OPCML: variants seen among roughly 807,000 people sequenced by gnomAD.
OPCML encodes the protein opioid binding protein/cell adhesion molecule like, also known as opioid-binding protein/cell adhesion molecule.
Under a neutral mutation model 37.8 loss-of-function variants are expected in OPCML, and 13 were observed. That is an observed-to-expected ratio of 0.34 (90% confidence interval 0.22 to 0.55). OPCML has a LOEUF of 0.55. OPCML is among the 20% of genes least tolerant of loss of function. The pLI is 0.91. For synonymous variants in OPCML, 176 were observed against 168.8 expected (o/e 1.04, Z -0.33); for missense variants, 341 against 435.6 (o/e 0.78, Z 1.93).
At chr11:132,506,164 G>A (rs2096256374) in intron 4 of OPCML, among the ~76,000 whole-genome samples, 1 of 152,138 alleles carries the variant, frequency 6.6e-6, no homozygotes, top group African/African-American at 2.4e-5. Context: ...TGGATTTTAT[G>A]CTCAGGAAAT....
At chr11:133,150,942 C>T (rs1050239697) in intron 1 of OPCML, among the ~76,000 whole-genome samples, 1 of 152,024 alleles carries the variant, frequency 6.6e-6, no homozygotes, top group Admixed American at 6.6e-5. Context: ...CGGAACCCTT[C>T]TAGAAAGAGA....
intron 1 of OPCML, among the ~76,000 whole-genome samples, chr11:133,039,811 CGAGGTCAG>C (rs1947853537): frequency 1.3e-5 from 2 of 152,040 alleles, no homozygotes; most frequent in South Asian, 4.1e-4. Flanking sequence ...GGGCACATCA[CGAGGTCAG>C]GAGTTTGAGA....
At chr11:132,447,046 G>T (rs2096057246) in intron 4 of OPCML, among the ~76,000 whole-genome samples, 1 of 152,144 alleles carries the variant, frequency 6.6e-6, no homozygotes, top group South Asian at 2.1e-4. Context: ...TACAGGGCTG[G>T]CATCTGCCAG....
intron 1 of OPCML, among the ~76,000 whole-genome samples, chr11:133,462,225 A>G (rs985543444): frequency 8.5e-5 from 13 of 152,078 alleles, no homozygotes; most frequent in African/African-American, 3.1e-4. Context: ...GTAAAAGCTA[A>G]AACTATAAAA....
At chr11:133,370,183 G>T (rs1241261123) in intron 1 of OPCML, among the ~76,000 whole-genome samples, 1 of 152,120 alleles carries the variant, frequency 6.6e-6, no homozygotes, top group Non-Finnish European at 1.5e-5. Context: ...GTTAGGTAAG[G>T]AGCATTAAAG....
At chr11:133,114,861 A>C (rs879473308) in intron 1 of OPCML, among the ~76,000 whole-genome samples, 3 of 152,168 alleles carry the variant, frequency 2.0e-5, no homozygotes, top group Non-Finnish European at 4.4e-5. Context: ...AATGAAAGAG[A>C]TACCGAGAAA....
intron 3 of OPCML, among the ~76,000 whole-genome samples, chr11:132,593,132 C>T (rs1229164074): frequency 2.0e-5 from 3 of 152,094 alleles, no homozygotes; most frequent in African/African-American, 7.2e-5. Flanking sequence ...GGCAGGTGTG[C>T]AGGAAAACAT....
intron 1 of OPCML, chr11:133,421,629 C>A (rs1225615338): frequency 2.0e-6 from 2 of 985,282 alleles, no homozygotes; most frequent in Non-Finnish European, 2.4e-6. Context: ...AAGGCTCAGT[C>A]ATTCACTCTT....
intron 3 of OPCML, among the ~76,000 whole-genome samples, chr11:132,542,276 T>C (rs2096358471): frequency 6.6e-6 from 1 of 152,170 alleles, no homozygotes; most frequent in African/African-American, 2.4e-5. Context: ...ACCTAGGATT[T>C]CATGCCCCTC....
At chr11:133,034,879 ATGCTCTAATAGCGCTGGTTCGCACG>A (rs530272051) in intron 1 of OPCML, among the ~76,000 whole-genome samples, 2,153 of 151,746 alleles carry the variant, frequency 0.014, 21 homozygotes, top group Middle Eastern at 0.045. Context: ...CCCCTCATCC[ATGCTCTAATAGCGCTGGTTCGCACG>A]GGCACCGGCA....
At chr11:132,425,443 G>C (rs1455029137) in intron 7 of OPCML, among the ~76,000 whole-genome samples, 1 of 152,150 alleles carries the variant, frequency 6.6e-6, no homozygotes, top group Non-Finnish European at 1.5e-5. Context: ...GAAGACTTTG[G>C]ACAAGACCGC....
intron 2 of OPCML, among the ~76,000 whole-genome samples, chr11:132,760,401 T>TA (rs1003773867): frequency 6.6e-6 from 1 of 152,184 alleles, no homozygotes; most frequent in Admixed American, 6.5e-5. Context: ...AGTCGAGTGT[T>TA]AAAGTCTCCC....
intron 1 of OPCML, among the ~76,000 whole-genome samples, chr11:132,962,216 G>A (rs534176176): frequency 3.5e-4 from 53 of 152,216 alleles, no homozygotes; most frequent in Non-Finnish European, 6.2e-4. Flanking sequence ...AGAGGGCCAA[G>A]GAGGCTTCTT....
chr11:133,340,803 A>T (rs1263300001), intron 1 of OPCML, among the ~76,000 whole-genome samples: 1 of 152,022 alleles, frequency 6.6e-6, no homozygotes, highest in East Asian at 1.9e-4. Context: ...TATAATTCCT[A>T]AGCACCTGTT....
At chr11:132,452,029 A>G (rs546818586) in intron 4 of OPCML, among the ~76,000 whole-genome samples, 5 of 151,942 alleles carry the variant, frequency 3.3e-5, no homozygotes, top group Non-Finnish European at 7.4e-5. Context: ...CTCCATTGTC[A>G]CAGGACAGGC....
chr11:133,094,405 A>G (rs985849452), intron 1 of OPCML, among the ~76,000 whole-genome samples: 1 of 152,152 alleles, frequency 6.6e-6, no homozygotes, highest in Non-Finnish European at 1.5e-5. Context: ...CAAGTCTACG[A>G]CCCATGATGA....
chr11:132,973,614 G>A (rs1368417935), intron 1 of OPCML, among the ~76,000 whole-genome samples: 1 of 152,188 alleles, frequency 6.6e-6, no homozygotes, highest in Non-Finnish European at 1.5e-5. Context: ...CAGCTGAGAA[G>A]TCAAGCACAG....
At chr11:132,930,637 G>C (rs754613803) in intron 2 of OPCML, among the ~76,000 whole-genome samples, 13 of 151,906 alleles carry the variant, frequency 8.6e-5, no homozygotes, top group Non-Finnish European at 1.6e-4. Flanking sequence ...AAAATACTTA[G>C]GAATAAATTT....
intron 1 of OPCML, among the ~76,000 whole-genome samples, chr11:133,279,189 GCATTCA>G (rs2136503261): frequency 6.6e-6 from 1 of 152,256 alleles, no homozygotes; most frequent in Admixed American, 6.5e-5. Flanking sequence ...CTCCTTGAAT[GCATTCA>G]CACAGATAAT....
Sources: allele counts gnomAD v4.1 joint callset (sites outside exome capture counted in the v4.1 genomes callset), GRCh38; gene constraint gnomAD v4.1.1; transcripts MANE v1.5; gene names NCBI Gene and HGNC (gene_info 2026-07-23, HGNC 2026-07-21).